Variants in GNL3L observed in about 807,000 individuals in gnomAD.
The protein encoded by GNL3L is G protein nucleolar 3 like.
A neutral mutation model predicts 42.9 loss-of-function variants in GNL3L; 4 were observed. That is an observed-to-expected ratio of 0.09 (90% confidence interval 0.05 to 0.21). The LOEUF is 0.21. Ranked by LOEUF, GNL3L falls within the 10% of genes least tolerant of loss-of-function variation. The probability of loss-of-function intolerance (pLI) is 1.00; values close to 1 mark genes in which losing one functional copy is unlikely to be tolerated. For missense variants in GNL3L, 412 were observed against 481.7 expected (o/e 0.86, Z 1.36); for synonymous variants, 159 against 176.3 (o/e 0.90, Z 0.78).
At position 54,620,336 on chromosome X, in the gene GNL3L, G is replaced by A. The variant is rs776235284; in HGVS notation, c.*46-509G>A. On this transcript the variant is annotated intron_variant, in intron 16 of 16. Coordinates refer to the GNL3L transcript ENST00000674498. ...AACCATCCTTATACTCTCTATCCCCGTGGGTTCAGTTGTTTTAATTTTTAG... is the reference window on the plus strand; with the variant it reads ...AACCATCCTTATACTCTCTATCCCCATGGGTTCAGTTGTTTTAATTTTTAG... Among the ~76,000 whole-genome samples, 343 of 110,780 alleles carry A rather than the reference G, an allele frequency of 3.1e-3. 2 individuals carry two copies. Among genetic ancestry groups the A allele is most frequent in the African/African-American group, 9.9e-3 (301 of 30,498 alleles).
chrX:54,585,487 G>T (rs767226763), intron 16 of GNL3L, among the ~76,000 whole-genome samples: 1 of 111,103 alleles, frequency 9.0e-6, no homozygotes, highest in Non-Finnish European at 1.9e-5. Context: ...CAGTCATTAG[G>T]TTTATGTTTC....
the GNL3L span, among the ~76,000 whole-genome samples, chrX:54,638,057 G>T: frequency 1.8e-5 from 2 of 112,017 alleles, no homozygotes; most frequent in Non-Finnish European, 1.9e-5. Context: ...ATGTGTAATT[G>T]TCTTTTCTTA....
intron 2 of GNL3L, among the ~76,000 whole-genome samples, chrX:54,533,601 T>A (rs1351140419): frequency 1.8e-5 from 2 of 110,871 alleles, no homozygotes; most frequent in African/African-American, 3.3e-5. Flanking sequence ...ACTTTTATTT[T>A]ATTTTTTATG....
intron 16 of GNL3L, among the ~76,000 whole-genome samples, chrX:54,595,626 C>T: frequency 9.0e-6 from 1 of 111,555 alleles, no homozygotes; most frequent in Middle Eastern, 4.6e-3. Context: ...ACTTTCTACT[C>T]CTATTTCTTT....
chrX:54,540,653 T>C (rs1924581891), intron 4 of GNL3L, among the ~76,000 whole-genome samples: 1 of 111,520 alleles, frequency 9.0e-6, no homozygotes, highest in Non-Finnish European at 1.9e-5. Flanking sequence ...TGCCACTTTT[T>C]CCCCTTTCTT....
intron 16 of GNL3L, among the ~76,000 whole-genome samples, chrX:54,610,634 G>A (rs1211592318): frequency 2.7e-5 from 3 of 111,271 alleles, no homozygotes; most frequent in Non-Finnish European, 5.7e-5. Context: ...AATTCTGTTC[G>A]TGTGGTGTAT....
chrX:54,624,061 C>A (rs1415225392), downstream of GNL3L, among the ~76,000 whole-genome samples: 2 of 111,328 alleles, frequency 1.8e-5, no homozygotes, highest in Admixed American at 9.5e-5. Context: ...GCCGGGATCA[C>A]AGGCATGTGC....
downstream of GNL3L, among the ~76,000 whole-genome samples, chrX:54,621,918 T>C (rs1045154534): frequency 8.9e-6 from 1 of 112,155 alleles, no homozygotes; most frequent in Non-Finnish European, 1.9e-5. Flanking sequence ...ATAGGAACCA[T>C]GTAAAGAATT....
intron 16 of GNL3L, among the ~76,000 whole-genome samples, chrX:54,619,964 GTTTTA>G (rs1469022352): frequency 9.0e-6 from 1 of 111,172 alleles, no homozygotes; most frequent in Non-Finnish European, 1.9e-5. Context: ...ATGTCTGCCT[GTTTTA>G]TTTATTTATT....
Position 54,598,630 on chromosome X carries a change from A to AATTAGAAAACATGAAATTAATAAT in GNL3L, c.*46-22212_*46-22189dup, listed in dbSNP as rs1216781898. ...AATATATTGAGGGCTATAATGGAAA[A>AATTAGAAAACATGAAATTAATAAT]ATTAGAAAACATGAAATTAATAATA... is the stretch of plus-strand genomic sequence containing the variant. On this transcript the variant is annotated intron_variant, in intron 16 of 16. Transcript: ENST00000674498. 2.7e-5 allele frequency among the ~76,000 whole-genome samples: 3 copies of AATTAGAAAACATGAAATTAATAAT among 111,475 alleles called. No individual in the cohort carries two copies. In the East Asian group the frequency reaches 8.3e-4, roughly 31 times the overall value.
chrX:54,540,024 A>T, intron 3 of GNL3L, 111 bp from the exon 4 acceptor site: 1 of 499,144 alleles, frequency 2.0e-6, no homozygotes, highest in Admixed American at 2.9e-5. Context: ...GAGAGATAGA[A>T]GGGGCATTTA....
chrX:54,633,208 T>C, the GNL3L span, among the ~76,000 whole-genome samples: 1 of 111,944 alleles, frequency 8.9e-6, no homozygotes, highest in African/African-American at 3.2e-5. Context: ...AAATCCTGTT[T>C]ATGCTAGCTA....
In GNL3L at chrX:54,548,238, A is replaced by G; in HGVS notation, c.640A>G (p.Ser214Gly). 1 of 1,204,969 alleles carries G rather than the reference A, an allele frequency of 8.3e-7. No homozygotes were observed. Among genetic ancestry groups the G allele is most frequent in the South Asian group, 1.8e-5 (1 of 56,759 alleles). ...CAATTTTTTTTTCCAGAATCGTTGC[A>G]GTGTGCCAGTAGATCAGGCCTCTGA... ...QHQVKNLNRC[S>G]VPVDQASESL... The change falls in exon 9 of 16, where the codon AGT becomes GGT. Residue 214 changes from serine (S) to glycine (G), a missense_variant. Coordinates refer to ENST00000360845, the MANE Select transcript of GNL3L (RefSeq NM_001184819.2).
At position 54,566,424 on chromosome X, in the gene GNL3L, A is replaced by C. The variant is rs765095222; in HGVS notation, c.*5822A>C. On this transcript the variant is annotated 3_prime_UTR_variant, in exon 16 of 16. Transcript: ENST00000360845. The stretch of plus-strand genomic sequence containing the variant: ...TGTGTGCATGTGTCTTTATGGCAGA[A>C]TGATTTATATTATGCATAACCAAAA... 1.9e-4 allele frequency among the ~76,000 whole-genome samples: 21 copies of C among 111,775 alleles called. No homozygotes were observed. The highest frequency in any genetic ancestry group is 3.6e-4 in the Non-Finnish European group (19 of 53,200).
intron 14 of GNL3L, among the ~76,000 whole-genome samples, chrX:54,555,265 C>T (rs1211517670): frequency 2.7e-5 from 3 of 110,389 alleles, no homozygotes; most frequent in African/African-American, 6.6e-5. Flanking sequence ...CTGCCTGCCT[C>T]GGCCTTCCAA....
the GNL3L span, among the ~76,000 whole-genome samples, chrX:54,629,794 T>A: frequency 3.6e-4 from 40 of 111,962 alleles, no homozygotes; most frequent in African/African-American, 1.2e-3. Context: ...TAGGGAGGAT[T>A]TCCTTTACTC....
intron 16 of GNL3L, among the ~76,000 whole-genome samples, chrX:54,583,131 TAG>T (rs1299312099): frequency 1.8e-5 from 2 of 111,868 alleles, no homozygotes; most frequent in African/African-American, 6.5e-5. Context: ...ATCTTCCTAA[TAG>T]AGTCTTTCAC....
At chrX:54,574,878 G>A (rs867957158) in intron 16 of GNL3L, among the ~76,000 whole-genome samples, 4 of 111,849 alleles carry the variant, frequency 3.6e-5, no homozygotes, top group African/African-American at 1.3e-4. Flanking sequence ...TATTTTTCAA[G>A]TTATTTAATT....
At chrX:54,532,243 A>G (rs1924270385) in intron 1 of GNL3L, among the ~76,000 whole-genome samples, 1 of 108,822 alleles carries the variant, frequency 9.2e-6, no homozygotes, top group Non-Finnish European at 1.9e-5. Context: ...ATCTGACCCC[A>G]TTTGACCCCA....
Sources: allele counts gnomAD v4.1 joint callset (sites outside exome capture counted in the v4.1 genomes callset), GRCh38; gene constraint gnomAD v4.1.1; transcripts MANE v1.5; gene names NCBI Gene and HGNC (gene_info 2026-07-23, HGNC 2026-07-21).